The following TRAPPC8 variants were observed in gnomAD, a reference collection of about 807,000 sequenced individuals.
TRAPPC8 encodes general sporulation gene 1 homolog.
Under a neutral mutation model 174.3 loss-of-function variants are expected in TRAPPC8, and 54 were observed. The ratio of observed to expected loss-of-function variants is 0.31; its 90% CI spans 0.25 to 0.39. TRAPPC8 has a LOEUF of 0.39. TRAPPC8 is among the 10% of genes least tolerant of loss of function. The probability of loss-of-function intolerance (pLI) is 1.00; values close to 1 mark genes in which losing one functional copy is unlikely to be tolerated. For synonymous variants in TRAPPC8, 630 were observed against 579.9 expected (o/e 1.09, Z -1.24); for missense variants, 1,531 against 1,699.1 (o/e 0.90, Z 1.74).
intron 27 of TRAPPC8, among the ~76,000 whole-genome samples, chr18:31,837,652 C>T (rs1184343339): frequency 2.0e-5 from 3 of 151,708 alleles, no homozygotes; most frequent in Admixed American, 6.6e-5. Flanking sequence ...GAGCCAAGAT[C>T]GTATCACTGC....
At chr18:31,862,864 G>A (rs2034400709) in intron 19 of TRAPPC8, among the ~76,000 whole-genome samples, 1 of 152,026 alleles carries the variant, frequency 6.6e-6, no homozygotes, top group Admixed American at 6.6e-5. Context: ...GACCATCCTG[G>A]CTAACACAGT....
intron 27 of TRAPPC8, among the ~76,000 whole-genome samples, chr18:31,836,973 A>G (rs563143062): frequency 1.5e-4 from 23 of 152,134 alleles, no homozygotes; most frequent in South Asian, 4.2e-4. Context: ...CGTGTTAGCC[A>G]GGATGGTCTT....
intron 27 of TRAPPC8, among the ~76,000 whole-genome samples, chr18:31,832,788 C>T (rs1169873234): frequency 6.6e-6 from 1 of 152,024 alleles, no homozygotes; most frequent in East Asian, 1.9e-4. Flanking sequence ...TAGAGTGGTA[C>T]AGATTTCAAA....
rs1300446640 is a variant in TRAPPC8 at position 31,908,806 on chromosome 18, A to G, written c.1070T>C (p.Phe357Ser). Reference protein sequence around the residue: ...RIRQFIQEFTFRGLLPHIEKT... With the variant: ...RIRQFIQEFTSRGLLPHIEKT... Reference sequence around the variant, plus strand: ...CTCTATATGTGGCAAAAGGCCCCGAAATGTGAACTCTTGTATAAACTGTCG... The same window carrying G: ...CTCTATATGTGGCAAAAGGCCCCGAGATGTGAACTCTTGTATAAACTGTCG... The change falls in exon 7 of 29, where the codon TTT becomes TCT. Residue 357 changes from phenylalanine to serine, a missense_variant. Coordinates refer to ENST00000283351, the MANE Select transcript of TRAPPC8 (RefSeq NM_014939.5). The G allele has an allele frequency of 6.2e-7, 1 of 1,612,902 alleles. No individual in the cohort carries two copies. Among genetic ancestry groups the G allele is most frequent in the South Asian group, 1.1e-5 (1 of 90,966 alleles).
chr18:31,855,036 C>G (rs1306774360), intron 21 of TRAPPC8, among the ~76,000 whole-genome samples: 2 of 147,956 alleles, frequency 1.4e-5, no homozygotes, highest in Non-Finnish European at 3.0e-5. Context: ...CCTGTCTCTA[C>G]TAAAAATACA....
intron 24 of TRAPPC8, 78 bp downstream of exon 24, chr18:31,852,368 C>A (rs1441070840): frequency 6.5e-7 from 1 of 1,539,874 alleles, no homozygotes; most frequent in Non-Finnish European, 8.9e-7. Context: ...GGAATTACTG[C>A]GATAAGCCTT....
At chr18:31,915,580 G>T (rs2037103496) in intron 4 of TRAPPC8, among the ~76,000 whole-genome samples, 1 of 151,486 alleles carries the variant, frequency 6.6e-6, no homozygotes, top group East Asian at 2.0e-4. Context: ...GGACAATATG[G>T]TGAAACCCTA....
chr18:31,910,559 G>A (rs902619119), intron 5 of TRAPPC8, among the ~76,000 whole-genome samples: 1 of 152,180 alleles, frequency 6.6e-6, no homozygotes, highest in Non-Finnish European at 1.5e-5. Flanking sequence ...AGGATCAAGC[G>A]TACAAGCAAA....
intron 12 of TRAPPC8, among the ~76,000 whole-genome samples, chr18:31,877,428 C>T (rs1029319276): frequency 5.3e-5 from 8 of 151,700 alleles, no homozygotes; most frequent in South Asian, 2.1e-4. Flanking sequence ...CTGGCTAACA[C>T]GGTGAAACCC....
At chr18:31,831,590 A>T (rs2032376136) in intron 28 of TRAPPC8, among the ~76,000 whole-genome samples, 1 of 152,162 alleles carries the variant, frequency 6.6e-6, no homozygotes, top group Non-Finnish European at 1.5e-5. Context: ...AGCCATATAT[A>T]AGTGTCTGTA....
chr18:31,853,788 T>C, intron 22 of TRAPPC8, 61 bp downstream of exon 22: 2 of 1,263,148 alleles, frequency 1.6e-6, no homozygotes, highest in Non-Finnish European at 2.2e-6. Context: ...TCTGGTACTA[T>C]TCTGGAAAAC....
At chr18:31,883,204 C>T (rs1048183099) in intron 12 of TRAPPC8, 1 of 133,944 alleles carries the variant, frequency 7.5e-6, no homozygotes, top group African/African-American at 2.8e-5. Context: ...GCCTGGGTGA[C>T]AGAGAAAGAC....
chr18:31,908,654 T>TAA, intron 7 of TRAPPC8, 100 bp downstream of exon 7: 2 of 1,311,936 alleles, frequency 1.5e-6, no homozygotes, highest in South Asian at 3.5e-5. Flanking sequence ...TGGCCTATCT[T>TAA]AAAACGAAAA....
rs565954499 is a variant in TRAPPC8, at chr18:31,866,725, G to A, written c.2590+124C>T. 7 of 1,091,236 alleles carry A rather than the reference G, an allele frequency of 6.4e-6. No homozygotes were observed. The African/African-American group carries it at 8.0e-5, about 12-fold the overall frequency. The allele number at this position is 1,091,236 out of a possible 1,614,324, so 67.6% of individuals were successfully genotyped here. Reference sequence around the variant, plus strand: ...ATCTAAATTTGTCATTCTTACATCTGGCTAAATGTCTTTACTTAACGATAC... The same window carrying A: ...ATCTAAATTTGTCATTCTTACATCTAGCTAAATGTCTTTACTTAACGATAC... On this transcript the variant is annotated intron_variant, in intron 18 of 28. Transcript: ENST00000283351.
intron 12 of TRAPPC8, among the ~76,000 whole-genome samples, chr18:31,886,705 G>A (rs559886338): frequency 5.9e-5 from 9 of 152,108 alleles, no homozygotes; most frequent in East Asian, 1.9e-4. Context: ...TGGGGGTGCC[G>A]AGCGCAATGG....
At chr18:31,936,396 C>T (rs1336799009) in intron 1 of TRAPPC8, among the ~76,000 whole-genome samples, 1 of 152,064 alleles carries the variant, frequency 6.6e-6, no homozygotes, top group African/African-American at 2.4e-5. Flanking sequence ...CCCAGGAGGT[C>T]GAGGCTGCAG....
intron 24 of TRAPPC8, among the ~76,000 whole-genome samples, 158 bp downstream of exon 24, chr18:31,852,288 C>T (rs947378143): frequency 3.9e-5 from 6 of 152,162 alleles, no homozygotes; most frequent in Admixed American, 2.0e-4. Flanking sequence ...CTGCAGTGAG[C>T]TGTGATCACG....
chr18:31,877,569 C>T (rs1419678948), intron 12 of TRAPPC8, among the ~76,000 whole-genome samples: 7 of 140,526 alleles, frequency 5.0e-5, no homozygotes, highest in Non-Finnish European at 7.5e-5. Context: ...GCCAAGATCG[C>T]GCCACTGCAT....
chr18:31,860,761 T>C (rs2034281802), intron 19 of TRAPPC8, among the ~76,000 whole-genome samples: 1 of 152,196 alleles, frequency 6.6e-6, no homozygotes, highest in African/African-American at 2.4e-5. Flanking sequence ...TTCCCTATTC[T>C]CTTACAAGAA....
Sources: gnomAD v4.1 joint callset for allele counts (sites outside exome capture counted in the v4.1 genomes callset) on GRCh38, gnomAD v4.1.1 for gene constraint, MANE v1.5 for transcripts, NCBI Gene and HGNC (gene_info 2026-07-23, HGNC 2026-07-21) for gene names.